The following CACNA1H variants were observed in gnomAD, a reference collection of about 807,000 sequenced individuals.
CACNA1H encodes the protein calcium voltage-gated channel subunit alpha1 H.
A neutral mutation model predicts 192.5 loss-of-function variants in CACNA1H; 149 were observed. The ratio of observed to expected loss-of-function variants is 0.77; its 90% CI spans 0.68 to 0.89. CACNA1H has a LOEUF of 0.89. CACNA1H is among the 40% of genes least tolerant of loss of function. CACNA1H has a pLI of 0.00. For missense variants in CACNA1H, 4,257 were observed against 3,423.5 expected (o/e 1.24, Z -6.08); for synonymous variants, 2,202 against 1,475.2 (o/e 1.49, Z -11.29).
In CACNA1H at chr16:1,167,531, C is replaced by T. The variant is rs1963920673; in HGVS notation, c.299+13495C>T. On this transcript the variant is annotated intron_variant, in intron 2 of 34. Transcript: ENST00000348261. This position sits in a 1 kb window ranked among gnomAD's most constrained non-coding sequence, Gnocchi z 4.2. ...TGTTGCTAATGAATCTCTGGGGTTTCCTGTTACCTTTGCCAAGTCGAGGAA... is the reference window on the plus strand; with the variant it reads ...TGTTGCTAATGAATCTCTGGGGTTTTCTGTTACCTTTGCCAAGTCGAGGAA... Among the ~76,000 whole-genome samples, 2 of 152,172 alleles carry T rather than the reference C, an allele frequency of 1.3e-5. No individual in the cohort carries two copies. The highest frequency in any genetic ancestry group is 2.9e-5 in the Non-Finnish European group (2 of 68,034).
Position 1,208,166 on chromosome 16 carries a change from C to T in CACNA1H, c.3308C>T (p.Ser1103Phe), listed in dbSNP as rs952424351. 4 of 1,568,392 alleles carry T rather than the reference C, an allele frequency of 2.6e-6. No individual in the cohort carries two copies. Among genetic ancestry groups the T allele is most frequent in the East Asian group, 4.8e-5 (2 of 41,964 alleles). ...GATGCAGCCCCCAGCCTCCCAGACT[C>T]TCGGCGTGGCAGCAGCAGCTCCGGG... ...FLDAAPSLPD[S>F]RRGSSSSGDP... The change falls in exon 16 of 35, where the codon TCT becomes TTT. Residue 1103 changes from serine (S) to phenylalanine (F), a missense_variant. Transcript: ENST00000348261.
At position 1,200,411 on chromosome 16, in the gene CACNA1H, A is replaced by T; in HGVS notation, c.959A>T (p.Glu320Val). 6.2e-7 allele frequency: 1 copy of T among 1,608,604 alleles called. No homozygotes were observed. Residue 320 changes from glutamate (E) to valine (V), a missense_variant, in exon 7 of 35, where the codon GAG becomes GTG. Glu to Val is a moderately radical substitution (Grantham distance 121). Transcript: ENST00000348261. ...ELRMPCTLGW[E>V]AYTQPQAEGV... is the part of the protein sequence containing the mutation. ...CGCATGCCCTGCACCCTGGGCTGGG[A>T]GGCCTACACGCAGCCGCAGGCCGAG... is the stretch of plus-strand genomic sequence containing the variant.
At chr16:1,168,946 C>T (rs1288935759) in intron 2 of CACNA1H, among the ~76,000 whole-genome samples, 3 of 152,152 alleles carry the variant, frequency 2.0e-5, no homozygotes, top group African/African-American at 7.2e-5. Context: ...TGGGGCCGCC[C>T]CCTGCCCGCC....
chr16:1,220,763 T>C lies in CACNA1H; in HGVS notation c.6831T>C (p.Ser2277=), dbSNP rs772341545. ...AFEPLDLGVP[S]GDPFLDGSHS... ...AGCCGCTGGACCTCGGGGTCCCCAG[T>C]GGAGACCCTTTCTTGGACGGTAGCC... Residue 2277 remains serine, a synonymous_variant, in exon 35 of 35, where the codon AGT becomes AGC. Coordinates refer to ENST00000348261, the MANE Select transcript of CACNA1H (RefSeq NM_021098.3). 3 of 1,612,452 alleles carry C rather than the reference T, an allele frequency of 1.9e-6. No individual in the cohort carries two copies.
chr16:1,217,558 G>A (rs781769564), intron 31 of CACNA1H, among the ~76,000 whole-genome samples: 49 of 152,226 alleles, frequency 3.2e-4, no homozygotes, highest in Non-Finnish European at 4.7e-4. Context: ...CCGACGGTGG[G>A]TGTGGCGTTG....
chr16:1,206,872 C>T (rs1035466301), intron 12 of CACNA1H, 129 bp from the exon 13 acceptor site: 2 of 617,542 alleles, frequency 3.2e-6, no homozygotes, highest in South Asian at 3.7e-5. Flanking sequence ...GGGTAGGAGG[C>T]CAGGAGAGCC....
rs114169749 is a variant in CACNA1H, at chr16:1,183,885, G to A, written c.300-11087G>A. On this transcript the variant is annotated intron_variant, in intron 2 of 34. Transcript: ENST00000348261. ...GCTCCAGAATTTCGCCACTGCAGAGGGAGACTGAATTAATTCCCTCCTGGA... is the reference window on the plus strand; with the variant it reads ...GCTCCAGAATTTCGCCACTGCAGAGAGAGACTGAATTAATTCCCTCCTGGA... 6.9e-3 allele frequency among the ~76,000 whole-genome samples: 1,053 copies of A among 152,356 alleles called. 9 individuals are homozygous for A. The highest frequency in any genetic ancestry group is 0.024 in the African/African-American group (1,012 of 41,578).
At chr16:1,210,702 T>TCATCCC (rs1200535259) in intron 20 of CACNA1H, 51 bp downstream of exon 20, 3 of 1,583,060 alleles carry the variant, frequency 1.9e-6, no homozygotes, top group Non-Finnish European at 2.6e-6. Context: ...CGTTCTGCCC[T>TCATCCC]CATCCCCACC....
Position 1,212,506 on chromosome 16 carries a change from T to G in CACNA1H, c.4760-5T>G, listed in dbSNP as rs1474686670. ...GGCCCTCAGACCATCTCCTTGTCTT[T>G]CCAGGCACTTTCCCCAGCCCAGGTA... On this transcript the variant is annotated splice_region_variant and splice_polypyrimidine_tract_variant and intron_variant, in intron 25 of 34. Transcript: ENST00000348261. The G allele has an allele frequency of 6.2e-7, 1 of 1,610,824 alleles. No homozygotes were observed. The highest frequency in any genetic ancestry group is 8.5e-7 in the Non-Finnish European group (1 of 1,179,106).
At position 1,207,082 on chromosome 16, in the gene CACNA1H, C is replaced by T. The variant is rs574604085; in HGVS notation, c.2871C>T (p.Phe957=). 143 of 1,600,456 alleles carry T rather than the reference C, an allele frequency of 8.9e-5. No individual in the cohort carries two copies. The South Asian group carries it at 1.1e-3, about 12-fold the overall frequency. The part of the protein sequence containing the change: ...TGDTVPDRKN[F]DSLLWAIVTV... ...ACACCGTGCCTGACAGGAAGAACTTCGACTCCCTGCTGTGGGCCATCGTCA... is the reference window on the plus strand; with the variant it reads ...ACACCGTGCCTGACAGGAAGAACTTTGACTCCCTGCTGTGGGCCATCGTCA... Residue 957 remains phenylalanine, a synonymous_variant, in exon 13 of 35, where the codon TTC becomes TTT. Coordinates refer to ENST00000348261, the MANE Select transcript of CACNA1H (RefSeq NM_021098.3).
chr16:1,216,914 T>C lies in CACNA1H; in HGVS notation c.5245-18T>C. On this transcript the variant is annotated intron_variant, in intron 30 of 34. Coordinates refer to ENST00000348261, the MANE Select transcript of CACNA1H (RefSeq NM_021098.3). ...CCTGCCCGCCCGTCTGACCCAGCTC[T>C]GCTTCTCTCTTGTGTAGGTGGGGAA... The C allele has an allele frequency of 6.3e-7, 1 of 1,592,792 alleles. No individual in the cohort carries two copies. Among genetic ancestry groups the C allele is most frequent in the Non-Finnish European group, 8.6e-7 (1 of 1,168,932 alleles).
chr16:1,171,480 A>C (rs957253342), intron 2 of CACNA1H, among the ~76,000 whole-genome samples: 2 of 152,116 alleles, frequency 1.3e-5, no homozygotes, highest in Admixed American at 6.5e-5. Context: ...AGCCCGGAGG[A>C]GGCCCGCGGG....
chr16:1,201,623 C>T (rs374477259), intron 8 of CACNA1H, 40 bp from the exon 9 acceptor site: 81 of 1,516,436 alleles, frequency 5.3e-5, no homozygotes, highest in Non-Finnish European at 6.3e-5. Context: ...ATCAGAGACT[C>T]GCTCACTCAC....
At chr16:1,155,410 G>A (rs893125277) in intron 2 of CACNA1H, among the ~76,000 whole-genome samples, 16 of 152,328 alleles carry the variant, frequency 1.1e-4, no homozygotes, top group Admixed American at 6.5e-4. Context: ...GAACCAAGGC[G>A]GGAGGTGGTC....
At chr16:1,179,134 C>T (rs1019213074) in intron 2 of CACNA1H, among the ~76,000 whole-genome samples, 5 of 152,180 alleles carry the variant, frequency 3.3e-5, no homozygotes. Context: ...GAAGCAAAAC[C>T]ACAGCAGAGC....
chr16:1,210,156 G>A (rs756298859), intron 18 of CACNA1H, 21 bp downstream of exon 18: 3 of 1,536,136 alleles, frequency 2.0e-6, no homozygotes, highest in African/African-American at 2.8e-5. Context: ...CGGGTCAGGA[G>A]GCTGCATGGC....
intron 31 of CACNA1H, 111 bp downstream of exon 31, chr16:1,217,121 AG>A: frequency 1.2e-5 from 11 of 906,876 alleles, no homozygotes; most frequent in Non-Finnish European, 1.8e-5. Context: ...GGGCCTGATC[AG>A]GGCCACACGC....
chr16:1,216,207 G>A (rs369281070), intron 30 of CACNA1H, among the ~76,000 whole-genome samples: 2 of 152,028 alleles, frequency 1.3e-5, no homozygotes, highest in African/African-American at 4.8e-5. Context: ...CTGTCCCTGC[G>A]CCATCTGTCA....
At chr16:1,187,069 G>A (rs1567478724) in intron 2 of CACNA1H, among the ~76,000 whole-genome samples, 1 of 152,380 alleles carries the variant, frequency 6.6e-6, no homozygotes, top group East Asian at 1.9e-4. Context: ...GTCCCTCAGA[G>A]CCCGCGACCG....
Sources: gnomAD v4.1 joint callset for allele counts (sites outside exome capture counted in the v4.1 genomes callset) on GRCh38, gnomAD v4.1.1 for gene constraint, Gnocchi (gnomAD v3.1) non-coding constraint, MANE v1.5 for transcripts, NCBI Gene and HGNC (gene_info 2026-07-23, HGNC 2026-07-21) for gene names.